Variants in FSTL5 observed in about 807,000 individuals in gnomAD.
FSTL5 encodes the protein follistatin-related protein 5.
In FSTL5, 62 loss-of-function variants were observed where a neutral mutation model predicts 89.1. The observed-to-expected ratio is 0.70, with a 90% CI of 0.57 to 0.86. The LOEUF (loss-of-function observed/expected upper bound fraction) is 0.86. FSTL5 is among the 40% of genes least tolerant of loss of function. FSTL5 has a pLI of 0.00. For missense variants in FSTL5, 1,057 were observed against 1,001.6 expected, an observed-to-expected ratio of 1.06 and a Z score of -0.75; for synonymous variants, 383 against 346.2, an observed-to-expected ratio of 1.11 and a Z score of -1.18.
chr4:161,696,047 G>A (rs1738153871), intron 6 of FSTL5, among the ~76,000 whole-genome samples: 2 of 152,124 alleles, frequency 1.3e-5, no homozygotes, highest in African/African-American at 2.4e-5. Context: ...CCAATGTCTA[G>A]AAGGGTTTTT....
intron 12 of FSTL5, among the ~76,000 whole-genome samples, chr4:161,497,251 G>A (rs1730116770): frequency 6.6e-6 from 1 of 151,980 alleles, no homozygotes; most frequent in Non-Finnish European, 1.5e-5. Flanking sequence ...AAAAATGACA[G>A]AGTAATATAA....
chr4:161,686,961 T>C (rs959522669), intron 6 of FSTL5, among the ~76,000 whole-genome samples: 1 of 152,160 alleles, frequency 6.6e-6, no homozygotes, highest in Non-Finnish European at 1.5e-5. Flanking sequence ...TGATCCTATG[T>C]TTCTCTGGCT....
At chr4:161,647,307 C>T (rs1736185820) in intron 7 of FSTL5, among the ~76,000 whole-genome samples, 2 of 152,154 alleles carry the variant, frequency 1.3e-5, no homozygotes, top group Admixed American at 6.5e-5. Context: ...ATCAATTGAA[C>T]ATCTATGCAC....
rs2111023238 is a variant in FSTL5, at chr4:161,974,153, G to A, written c.161-53501C>T. Among the ~76,000 whole-genome samples the A allele has an allele frequency of 2.6e-5, 4 of 152,254 alleles. No individual in the cohort carries two copies. In the Middle Eastern group the frequency reaches 0.014, roughly 518 times the overall value. ...AATATTCCATGCTCATGGGTAGGAA[G>A]AATCAATATCGTGAAAATGGCCATA... On this transcript the variant is annotated intron_variant, in intron 3 of 15. Coordinates refer to ENST00000306100, the MANE Select transcript of FSTL5 (RefSeq NM_020116.5).
chr4:161,867,890 G>A (rs1024805393), intron 4 of FSTL5, among the ~76,000 whole-genome samples: 1 of 151,870 alleles, frequency 6.6e-6, no homozygotes, highest in African/African-American at 2.4e-5. Context: ...TTATTGAGTA[G>A]TTAGGGTTTA....
intron 10 of FSTL5, among the ~76,000 whole-genome samples, chr4:161,512,771 G>A (rs545508064): frequency 2.0e-5 from 3 of 152,148 alleles, no homozygotes; most frequent in African/African-American, 7.2e-5. Context: ...ACAGTATTAT[G>A]TTTTAACTGT....
chr4:161,613,619 A>T (rs1299987871), intron 7 of FSTL5, among the ~76,000 whole-genome samples: 1 of 152,178 alleles, frequency 6.6e-6, no homozygotes, highest in Non-Finnish European at 1.5e-5. Context: ...GACTTCTTCA[A>T]ATATCATCCA....
At chr4:161,575,738 C>A (rs1578938522) in intron 8 of FSTL5, among the ~76,000 whole-genome samples, 8 of 152,174 alleles carry the variant, frequency 5.3e-5, no homozygotes, top group Admixed American at 5.2e-4. Flanking sequence ...AAGGCGTGAG[C>A]CACCGTGCAC....
At chr4:161,459,479 C>T (rs1733485179) in intron 13 of FSTL5, among the ~76,000 whole-genome samples, 160 bp from the exon 14 acceptor site, 1 of 152,028 alleles carries the variant, frequency 6.6e-6, no homozygotes, top group African/African-American at 2.4e-5. Flanking sequence ...AAATATCATA[C>T]TTTACTCATG....
At chr4:161,661,274 T>TA (rs1736699986) in intron 6 of FSTL5, among the ~76,000 whole-genome samples, 1 of 152,148 alleles carries the variant, frequency 6.6e-6, no homozygotes, top group Non-Finnish European at 1.5e-5. Flanking sequence ...ACTATAGACT[T>TA]ACGTTAAATA....
chr4:162,161,115 A>G (rs1360253503), intron 1 of FSTL5, among the ~76,000 whole-genome samples: 1 of 152,030 alleles, frequency 6.6e-6, no homozygotes, highest in East Asian at 1.9e-4. Context: ...CTTTTCTGCA[A>G]ACGGTGCTGT....
chr4:161,677,094 A>AT (rs1737332528), intron 6 of FSTL5, among the ~76,000 whole-genome samples: 1 of 152,018 alleles, frequency 6.6e-6, no homozygotes, highest in Non-Finnish European at 1.5e-5. Flanking sequence ...CTTAAATTAA[A>AT]TGATTGACCC....
chr4:161,604,715 C>T (rs761454445), intron 7 of FSTL5, among the ~76,000 whole-genome samples: 12 of 152,220 alleles, frequency 7.9e-5, no homozygotes, highest in African/African-American at 2.6e-4. Flanking sequence ...AGCCACTCAT[C>T]GTGTTATTGG....
At chr4:161,503,440 C>G (rs535632835) in intron 11 of FSTL5, among the ~76,000 whole-genome samples, 2 of 151,776 alleles carry the variant, frequency 1.3e-5, no homozygotes, top group South Asian at 4.2e-4. Context: ...GCTAAAAGAT[C>G]AACTTTATTT....
At chr4:162,146,702 T>C (rs1733006551) in intron 1 of FSTL5, among the ~76,000 whole-genome samples, 3 of 63,910 alleles carry the variant, frequency 4.7e-5, no homozygotes, top group Non-Finnish European at 6.9e-5. Flanking sequence ...TCCCTTCCCT[T>C]CCCTTCCCCT....
chr4:161,685,015 C>G (rs1421578463), intron 6 of FSTL5, among the ~76,000 whole-genome samples: 2 of 152,080 alleles, frequency 1.3e-5, no homozygotes, highest in Admixed American at 6.6e-5. Context: ...GTCCTTTCCC[C>G]TTTTTATTTT....
At chr4:161,436,759 T>C (rs771095810) in intron 15 of FSTL5, among the ~76,000 whole-genome samples, 2 of 152,234 alleles carry the variant, frequency 1.3e-5, no homozygotes, top group Admixed American at 6.5e-5. Flanking sequence ...GTCACAACTT[T>C]GGAACATCTA....
At chr4:161,779,906 G>C (rs6816519) in intron 4 of FSTL5, among the ~76,000 whole-genome samples, 20,421 of 141,638 alleles carry the variant, frequency 0.14, 2,746 homozygotes, top group African/African-American at 0.35. Context: ...ACACACACAT[G>C]CACACACAAA....
chr4:161,564,015 A>C (rs528646362), intron 8 of FSTL5, among the ~76,000 whole-genome samples: 275 of 152,016 alleles, frequency 1.8e-3, no homozygotes, highest in South Asian at 3.1e-3. Context: ...AAAGGAATAA[A>C]AATAAAACTA....
Sources: gnomAD v4.1 joint callset for allele counts (sites outside exome capture counted in the v4.1 genomes callset) on GRCh38, gnomAD v4.1.1 for gene constraint, MANE v1.5 for transcripts, NCBI Gene and HGNC (gene_info 2026-07-23, HGNC 2026-07-21) for gene names.